DENND10: variants seen among roughly 807,000 people sequenced by gnomAD.
The protein encoded by DENND10 is DENN domain-containing protein 10.
A neutral mutation model predicts 43.6 loss-of-function variants in DENND10; 24 were observed. That is an observed-to-expected ratio of 0.55 (90% CI 0.40 to 0.77). DENND10 has a LOEUF of 0.77. Among genes scored for constraint, DENND10 ranks in the 30% least tolerant of loss-of-function variants. The probability of loss-of-function intolerance (pLI) is 0.00; values close to 1 mark genes in which losing one functional copy is unlikely to be tolerated. For synonymous variants in DENND10, 125 were observed against 157.6 expected (o/e 0.79, Z 1.55); for missense variants, 303 against 429.9 (o/e 0.70, Z 2.61).
At chr10:119,122,719 T>C (rs1328038673) in intron 5 of DENND10, among the ~76,000 whole-genome samples, 1 of 152,134 alleles carries the variant, frequency 6.6e-6, no homozygotes, top group East Asian at 1.9e-4. Context: ...GAAATCTATG[T>C]CTTAGGGAAA....
At chr10:119,129,925 C>T (rs996562004) in intron 7 of DENND10, among the ~76,000 whole-genome samples, 3 of 152,080 alleles carry the variant, frequency 2.0e-5, no homozygotes, top group African/African-American at 2.4e-5. Context: ...CAGAACTTAG[C>T]GGTTTATTTT....
At chr10:119,125,216 C>T (rs1234952650) in intron 6 of DENND10, among the ~76,000 whole-genome samples, 5 of 152,092 alleles carry the variant, frequency 3.3e-5, no homozygotes, top group African/African-American at 9.7e-5. Context: ...AGGTGATCCA[C>T]CCACCTCAGG....
intron 1 of DENND10, among the ~76,000 whole-genome samples, chr10:119,106,788 T>C (rs550804049): frequency 2.4e-4 from 37 of 152,332 alleles, no homozygotes; most frequent in African/African-American, 7.9e-4. Context: ...CTCACGCCTA[T>C]AATCCCAGCA....
intron 7 of DENND10, 131 bp downstream of exon 7, chr10:119,129,753 G>C: frequency 1.5e-6 from 1 of 656,926 alleles, no homozygotes; most frequent in South Asian, 1.8e-5. Flanking sequence ...TCCGTGTCTA[G>C]AACACAACAT....
At chr10:119,136,435 C>T in intron 8 of DENND10, 36 bp from the exon 9 acceptor site, 1 of 1,575,252 alleles carries the variant, frequency 6.3e-7, no homozygotes. Context: ...ATTTCGGATA[C>T]TAACATGTTG....
chr10:119,104,718 T>G (rs1407844917), intron 1 of DENND10: 3 of 152,290 alleles, frequency 2.0e-5, no homozygotes, highest in African/African-American at 4.8e-5. Flanking sequence ...AGCTGGAGAC[T>G]GCTGGGCCGG....
At chr10:119,121,041 A>G (rs1160407495) in intron 5 of DENND10, among the ~76,000 whole-genome samples, 1 of 151,970 alleles carries the variant, frequency 6.6e-6, no homozygotes, top group East Asian at 1.9e-4. Context: ...TCTCAAACTC[A>G]TAGGCTCCAG....
intron 5 of DENND10, among the ~76,000 whole-genome samples, chr10:119,121,393 G>A (rs1314614866): frequency 2.0e-5 from 3 of 148,574 alleles, no homozygotes; most frequent in Non-Finnish European, 4.4e-5. Context: ...TGATTCTCCT[G>A]CCTCCGTTGA....
intron 7 of DENND10, among the ~76,000 whole-genome samples, chr10:119,131,315 G>A (rs530269103): frequency 9.1e-4 from 139 of 152,268 alleles, no homozygotes; most frequent in African/African-American, 3.1e-3. Context: ...AAAATTAGCC[G>A]GGCGTGGTGG....
At chr10:119,112,493 C>CT (rs1353576739) in intron 3 of DENND10, among the ~76,000 whole-genome samples, 4,419 of 133,482 alleles carry the variant, frequency 0.033, 81 homozygotes, top group South Asian at 0.047. Context: ...TTTTCTTTTT[C>CT]TTTTTTTTTT....
chr10:119,112,186 C>T (rs1048143267), intron 3 of DENND10, among the ~76,000 whole-genome samples: 1 of 152,040 alleles, frequency 6.6e-6, no homozygotes, highest in African/African-American at 2.4e-5. Context: ...GAATCACTTC[C>T]TACTTTTGAT....
intron 3 of DENND10, among the ~76,000 whole-genome samples, chr10:119,116,758 T>A (rs551360059): frequency 6.6e-6 from 1 of 151,086 alleles, no homozygotes; most frequent in South Asian, 2.1e-4. Context: ...AACCTCTGCC[T>A]CCCTGGTTCA....
chr10:119,137,548 G>C lies in DENND10; in HGVS notation c.*901G>C, dbSNP rs573641721. 6.0e-6 allele frequency: 1 copy of C among 166,770 alleles called. No homozygotes were observed. The highest frequency in any genetic ancestry group is 1.9e-4 in the East Asian group (1 of 5,172). 10.3% of individuals were successfully genotyped at this position (166,770 alleles called of 1,614,324 possible). ...TGGCCACATGTCAAGCCAATTGTTT[G>C]TACTATTTATGTACCTTTTTCATAA... On this transcript the variant is annotated 3_prime_UTR_variant, in exon 9 of 9. Coordinates refer to ENST00000361432, the MANE Select transcript of DENND10 (RefSeq NM_207009.4).
chr10:119,104,594 G>A lies in DENND10; in HGVS notation c.55+397G>A, dbSNP rs1589707478. The stretch of plus-strand genomic sequence containing the variant: ...GGCGGGAGCAGCCGGCTGGCGGCGC[G>A]GCGCGGCGCGGCGGGGAGGAGGCAG... On this transcript the variant is annotated intron_variant, in intron 1 of 8. Coordinates refer to ENST00000361432, the MANE Select transcript of DENND10 (RefSeq NM_207009.4). Among the ~76,000 whole-genome samples the A allele has an allele frequency of 5.4e-5, 8 of 149,388 alleles. No individual in the cohort carries two copies. The South Asian group carries it at 1.7e-3, about 31-fold the overall frequency.
At chr10:119,130,847 C>T (rs886716197) in intron 7 of DENND10, among the ~76,000 whole-genome samples, 7 of 152,090 alleles carry the variant, frequency 4.6e-5, no homozygotes, top group Non-Finnish European at 5.9e-5. Context: ...AGTGAGTGAC[C>T]CGAGAGAGAA....
intron 4 of DENND10, among the ~76,000 whole-genome samples, chr10:119,118,643 A>G (rs1337822407): frequency 2.0e-5 from 3 of 151,796 alleles, no homozygotes; most frequent in African/African-American, 7.3e-5. Context: ...TTAAGTAATT[A>G]TACTGGGGGA....
rs766614927 is a variant in DENND10 at position 119,120,435 on chromosome 10, G to A, written c.576G>A (p.Ala192=). 18 of 1,606,688 alleles carry A rather than the reference G, an allele frequency of 1.1e-5. No homozygotes were observed. The highest frequency in any genetic ancestry group is 8.3e-5 in the Admixed American group (5 of 59,944). ...RIVVYHPKIE[A]VQEFTRTLPA... ...TGGTGTATCACCCCAAGATAGAAGC[G>A]GTCCAGGAGTTCACCAGGTATCACC... is the stretch of plus-strand genomic sequence containing the variant. Residue 192 remains alanine, a synonymous_variant, in exon 5 of 9, where the codon GCG becomes GCA. Coordinates refer to ENST00000361432, the MANE Select transcript of DENND10 (RefSeq NM_207009.4).
Position 119,137,890 on chromosome 10 carries a change from TCA to T in DENND10, c.*1244_*1245del. 1 of 166,874 alleles carries T rather than the reference TCA, an allele frequency of 6.0e-6. No individual in the cohort carries two copies. Among genetic ancestry groups the T allele is most frequent in the East Asian group, 1.9e-4 (1 of 5,182 alleles). 10.3% of individuals were successfully genotyped at this position (166,874 alleles called of 1,614,324 possible). A position where few individuals can be genotyped will look rare whatever the true frequency, so the allele number is the denominator to read the frequency against. ...ATGAGGAATATTAACATCTTTTTTC[TCA>T]TTTTTTTGTATTACTATATTAGCTA... On this transcript the variant is annotated 3_prime_UTR_variant, in exon 9 of 9. Transcript: ENST00000361432.
chr10:119,107,191 C>T (rs1844734818), intron 1 of DENND10, among the ~76,000 whole-genome samples: 2 of 151,838 alleles, frequency 1.3e-5, no homozygotes, highest in Admixed American at 6.6e-5. Flanking sequence ...GTGGTGGGCA[C>T]CTGTAATCCC....
Sources: gnomAD v4.1 joint callset for allele counts (sites outside exome capture counted in the v4.1 genomes callset) on GRCh38, gnomAD v4.1.1 for gene constraint, MANE v1.5 for transcripts, NCBI Gene and HGNC (gene_info 2026-07-23, HGNC 2026-07-21) for gene names.